Variants in GPHN observed in about 807,000 individuals in gnomAD.
GPHN encodes gephyrin.
Under a neutral mutation model 95.5 loss-of-function variants are expected in GPHN, and 17 were observed. The observed-to-expected ratio is 0.18, with a 90% CI of 0.12 to 0.27. The LOEUF is 0.27. Ranked by LOEUF, GPHN falls within the 10% of genes least tolerant of loss-of-function variation. The pLI, the probability that GPHN is intolerant of heterozygous loss-of-function variation, is 1.00. For missense variants in GPHN, 660 were observed against 978.1 expected, an observed-to-expected ratio of 0.67 and a Z score of 4.34; for synonymous variants, 320 against 322.5, an observed-to-expected ratio of 0.99 and a Z score of 0.08.
At chr14:67,261,536 A>G in the GPHN span, among the ~76,000 whole-genome samples, 1 of 152,158 alleles carries the variant, frequency 6.6e-6, no homozygotes. Flanking sequence ...TAGGATATTC[A>G]TTTTTAAGCT....
At chr14:67,579,766 C>T in the GPHN span, 45 of 1,612,582 alleles carry the variant, frequency 2.8e-5, no homozygotes, top group East Asian at 1.1e-4. Flanking sequence ...GTTCCTCCAG[C>T]GGCTGAACCA....
At chr14:66,676,753 G>T (rs181877468) in intron 1 of GPHN, among the ~76,000 whole-genome samples, 156 of 149,488 alleles carry the variant, frequency 1.0e-3, no homozygotes, top group Admixed American at 1.8e-3. Context: ...GCTAATCATG[G>T]ATACTGACCT....
intron 2 of GPHN, among the ~76,000 whole-genome samples, chr14:66,724,212 T>C (rs1338077979): frequency 6.6e-6 from 1 of 152,178 alleles, no homozygotes; most frequent in Non-Finnish European, 1.5e-5. Flanking sequence ...GACCAGTGCT[T>C]TTCACCAATA....
At chr14:67,660,779 T>C in the GPHN span, among the ~76,000 whole-genome samples, 2 of 152,178 alleles carry the variant, frequency 1.3e-5, no homozygotes, top group South Asian at 2.1e-4. Flanking sequence ...GATTATTACT[T>C]TTGCTGAGTT....
At chr14:67,093,255 A>T (rs1243496735) in intron 12 of GPHN, among the ~76,000 whole-genome samples, 5 of 152,116 alleles carry the variant, frequency 3.3e-5, no homozygotes, top group Non-Finnish European at 7.4e-5. Flanking sequence ...AATGAAAAAG[A>T]ACATTTTAAA....
intron 1 of GPHN, among the ~76,000 whole-genome samples, chr14:66,665,830 A>G (rs1246719632): frequency 6.6e-6 from 1 of 152,232 alleles, no homozygotes; most frequent in Non-Finnish European, 1.5e-5. Context: ...TATTCACAAT[A>G]GTAAAGACTT....
chr14:66,508,907 C>T lies in GPHN; in HGVS notation c.64+316C>T, dbSNP rs912635942. Among the ~76,000 whole-genome samples, 3 of 152,286 alleles carry T rather than the reference C, an allele frequency of 2.0e-5. No homozygotes were observed. In the South Asian group the frequency reaches 6.2e-4, roughly 32 times the overall value. ...GCTGCGGGGCTCCGCGCTGTCGGTG[C>T]AGGCGGCGGGATCCCGGCTCCGCAG... On this transcript the variant is annotated intron_variant, in intron 1 of 22. Coordinates refer to ENST00000478722, the MANE Select transcript of GPHN (RefSeq NM_020806.5).
chr14:67,190,889 A>G, the GPHN span, among the ~76,000 whole-genome samples: 1 of 152,232 alleles, frequency 6.6e-6, no homozygotes, highest in East Asian at 1.9e-4. Context: ...CAAAGCTCCA[A>G]GGAGCACAGA....
chr14:67,342,827 A>C, the GPHN span, among the ~76,000 whole-genome samples: 1 of 151,964 alleles, frequency 6.6e-6, no homozygotes, highest in Non-Finnish European at 1.5e-5. Flanking sequence ...TTGCTTTCTT[A>C]CCTAAAATTG....
the GPHN span, among the ~76,000 whole-genome samples, chr14:67,693,736 C>T: frequency 6.7e-6 from 1 of 150,010 alleles, no homozygotes; most frequent in African/African-American, 2.5e-5. Context: ...GCAACCTCCA[C>T]CTCCACTGCA....
At chr14:67,660,693 TA>T in the GPHN span, among the ~76,000 whole-genome samples, 2 of 152,086 alleles carry the variant, frequency 1.3e-5, no homozygotes, top group Non-Finnish European at 2.9e-5. Flanking sequence ...TTTTCTGGGG[TA>T]AGTAAAATGT....
chr14:66,740,666 T>A lies in GPHN; in HGVS notation c.144-35798T>A, dbSNP rs2072725418. Among the ~76,000 whole-genome samples, 8 of 152,336 alleles carry A rather than the reference T, an allele frequency of 5.3e-5. No individual in the cohort carries two copies. In the South Asian group the frequency reaches 1.7e-3, roughly 32 times the overall value. ...CTGTGGTAAGTGCTTATCATATTTT[T>A]AAAATGACTGATATTTGGCTCTTAT... On this transcript the variant is annotated intron_variant, in intron 2 of 22. Coordinates refer to ENST00000478722, the MANE Select transcript of GPHN (RefSeq NM_020806.5).
chr14:66,975,543 C>T (rs987198391), intron 9 of GPHN, among the ~76,000 whole-genome samples: 2 of 151,970 alleles, frequency 1.3e-5, no homozygotes, highest in South Asian at 2.1e-4. Flanking sequence ...TATTATACTG[C>T]GAGGCACAGC....
chr14:67,695,735 T>A, the GPHN span: 74 of 1,605,482 alleles, frequency 4.6e-5, no homozygotes, highest in Non-Finnish European at 5.6e-5. Flanking sequence ...CAGAGCGGGA[T>A]GCTCCAGCGT....
At chr14:66,518,781 A>G (rs1259561790) in intron 1 of GPHN, among the ~76,000 whole-genome samples, 1 of 152,120 alleles carries the variant, frequency 6.6e-6, no homozygotes, top group African/African-American at 2.4e-5. Flanking sequence ...AACTAAAAAA[A>G]GTTGGTTTCA....
chr14:66,522,667 T>C (rs1370977755), intron 1 of GPHN, among the ~76,000 whole-genome samples: 1 of 152,130 alleles, frequency 6.6e-6, no homozygotes, highest in Non-Finnish European at 1.5e-5. Flanking sequence ...TATGTATTCT[T>C]TTACTTTTTT....
chr14:66,723,141 C>G (rs2070910120), intron 2 of GPHN, among the ~76,000 whole-genome samples: 1 of 152,140 alleles, frequency 6.6e-6, no homozygotes, highest in East Asian at 1.9e-4. Context: ...TAACTTTGCA[C>G]TGCTGGGCTT....
the GPHN span, among the ~76,000 whole-genome samples, chr14:67,217,425 G>T: frequency 6.6e-6 from 1 of 152,048 alleles, no homozygotes; most frequent in Non-Finnish European, 1.5e-5. Flanking sequence ...ATTAGTGATA[G>T]GTAAAGACTT....
At chr14:66,571,717 A>G (rs1371820756) in intron 1 of GPHN, among the ~76,000 whole-genome samples, 1 of 152,154 alleles carries the variant, frequency 6.6e-6, no homozygotes, top group Admixed American at 6.5e-5. Context: ...AGGCTGAGGC[A>G]GGAGAATCGC....
Sources: allele counts gnomAD v4.1 joint callset (sites outside exome capture counted in the v4.1 genomes callset), GRCh38; gene constraint gnomAD v4.1.1; transcripts MANE v1.5; gene names NCBI Gene and HGNC (gene_info 2026-07-23, HGNC 2026-07-21).